Variants in COL5A1 observed in about 807,000 individuals in gnomAD.
COL5A1 encodes collagen alpha-1(V) chain.
COL5A1 carries 16 observed loss-of-function variants against 263.7 expected under a neutral mutation model. The observed-to-expected ratio is 0.06, with a 90% confidence interval of 0.04 to 0.09. The LOEUF is 0.09. COL5A1 is among the 10% of genes least tolerant of loss of function. The pLI is 1.00. For missense variants in COL5A1, 2,036 were observed against 2,540.5 expected (o/e 0.80, Z 4.27); for synonymous variants, 1,012 against 1,004.5 (o/e 1.01, Z -0.14).
Position 134,774,472 on chromosome 9 carries a change from C to T in COL5A1, c.2332-387C>T, listed in dbSNP as rs113864835. ...TAGCAGCCTTGTCCCTTCTCCCAGC[C>T]GGAAGCTCTCCTGATTTATTCCAAG... On this transcript the variant is annotated intron_variant, in intron 26 of 65. Coordinates refer to ENST00000371817, the MANE Select transcript of COL5A1 (RefSeq NM_000093.5). Among the ~76,000 whole-genome samples the T allele has an allele frequency of 4.0e-3, 605 of 152,314 alleles. 3 individuals carry two copies. Among genetic ancestry groups the T allele is most frequent in the Middle Eastern group, 0.017 (5 of 294 alleles).
Position 134,763,881 on chromosome 9 carries a change from TC to T in COL5A1, c.2034+147del, listed in dbSNP as rs1836557558. 9.8e-6 allele frequency: 8 copies of T among 813,464 alleles called. No individual in the cohort carries two copies. The East Asian group carries it at 2.2e-4, about 22-fold the overall frequency. The allele number at this position is 813,464 out of a possible 1,614,324, so 50.4% of individuals were successfully genotyped here. ...CTGAGAACAGACGGACCTGGGCATC[TC>T]CCAGGGAAGCCAAAGAGAGGAGGCA... On this transcript the variant is annotated intron_variant, in intron 20 of 65. Coordinates refer to ENST00000371817, the MANE Select transcript of COL5A1 (RefSeq NM_000093.5).
At chr9:134,721,493 G>A (rs548609314) in intron 4 of COL5A1, among the ~76,000 whole-genome samples, 6 of 152,240 alleles carry the variant, frequency 3.9e-5, no homozygotes, top group African/African-American at 1.2e-4. Context: ...CCACAGCCCC[G>A]AGGGCAGAGC....
In COL5A1 at chr9:134,825,890, A is replaced by G; in HGVS notation, c.5053A>G (p.Lys1685Glu). 6.2e-7 allele frequency: 1 copy of G among 1,611,402 alleles called. No homozygotes were observed. The highest frequency in any genetic ancestry group is 8.5e-7 in the Non-Finnish European group (1 of 1,177,954). Residue 1685 changes from lysine (K) to glutamate (E), a missense_variant, in exon 63 of 66, where the codon AAG (lysine) becomes GAG (glutamate). Transcript: ENST00000371817. ...AGGSTCVFPD[K>E]KSEGARITSW... ...GGGGTCGACATGCGTCTTCCCTGAC[A>G]AGAAGTCCGAAGGGGTGAGTAGCTG...
chr9:134,711,684 TAA>T (rs1834046856), intron 4 of COL5A1, among the ~76,000 whole-genome samples: 1 of 152,096 alleles, frequency 6.6e-6, no homozygotes, highest in South Asian at 2.1e-4. Context: ...CTTTCTGGGT[TAA>T]GAGTTCCCAT....
intron 1 of COL5A1, among the ~76,000 whole-genome samples, chr9:134,676,193 C>A (rs1305154165): frequency 1.3e-5 from 2 of 152,194 alleles, no homozygotes; most frequent in Non-Finnish European, 2.9e-5. Flanking sequence ...CCAGAAGTAA[C>A]CCCTCAACTC....
chr9:134,830,983 C>T (rs559694722), intron 64 of COL5A1, among the ~76,000 whole-genome samples: 13 of 152,222 alleles, frequency 8.5e-5, no homozygotes, highest in East Asian at 1.9e-4. Context: ...AGACGGGTTC[C>T]GGGTGTCATT....
intron 60 of COL5A1, 26 bp from the exon 61 acceptor site, chr9:134,823,390 G>A: frequency 6.2e-7 from 1 of 1,613,950 alleles, no homozygotes; most frequent in Non-Finnish European, 8.5e-7. Context: ...CTGTGACCAA[G>A]GGTTGATTCT....
rs1835944991 is a variant in COL5A1, at chr9:134,755,746, G to T, written c.1828-1019G>T. On this transcript the variant is annotated intron_variant, in intron 16 of 65. Transcript: ENST00000371817. The surrounding 1 kb of genome is among the most constrained non-coding windows in gnomAD (Gnocchi z 4.1). ...TTGCCCAACAGGGCGATGTCTTTTT[G>T]GGGAGCAACGGGAGCACCGACTGTC... is the stretch of plus-strand genomic sequence containing the variant. Among the ~76,000 whole-genome samples, 1 of 152,210 alleles carries T rather than the reference G, an allele frequency of 6.6e-6. No homozygotes were observed. The highest frequency in any genetic ancestry group is 2.1e-4 in the South Asian group (1 of 4,828).
At chr9:134,769,375 T>A (rs1323708709) in intron 25 of COL5A1, among the ~76,000 whole-genome samples, 1 of 152,222 alleles carries the variant, frequency 6.6e-6, no homozygotes, top group Non-Finnish European at 1.5e-5. Context: ...GGCCCCGTGG[T>A]CACCTGGCCA....
chr9:134,747,941 T>C (rs1220327821), intron 11 of COL5A1, among the ~76,000 whole-genome samples: 1 of 83,240 alleles, frequency 1.2e-5, no homozygotes, highest in Non-Finnish European at 2.6e-5. Flanking sequence ...ACACATGCAT[T>C]CATACACATG....
chr9:134,748,349 ACACACATGCACATACATACACTTACATT>A (rs1230300349), intron 11 of COL5A1, among the ~76,000 whole-genome samples: 2 of 152,072 alleles, frequency 1.3e-5, no homozygotes, highest in Non-Finnish European at 2.9e-5. Flanking sequence ...TCACACATTC[ACACACATGCACATACATACACTTACATT>A]CACACATGCA....
chr9:134,792,759 A>ATG lies in COL5A1; in HGVS notation c.2701-2312_2701-2311dup, dbSNP rs1564462004. ...CCTGAGTGTCCGCATGCATGCGTGC[A>ATG]TGTGTGTGTGTGCGTGTGTGTACAT... On this transcript the variant is annotated intron_variant, in intron 32 of 65. Transcript: ENST00000371817. 2.7e-4 allele frequency among the ~76,000 whole-genome samples: 28 copies of ATG among 103,508 alleles called. 2 individuals carry two copies. Among genetic ancestry groups the ATG allele is most frequent in the African/African-American group, 1.2e-3 (24 of 19,706 alleles). The allele number at this position is 103,508 out of a possible 152,430, so 67.9% of individuals were successfully genotyped here. A position where few individuals can be genotyped will look rare whatever the true frequency, so the allele number is the denominator to read the frequency against.
chr9:134,759,246 A>G (rs1836116787), intron 18 of COL5A1, among the ~76,000 whole-genome samples: 1 of 130,060 alleles, frequency 7.7e-6, no homozygotes, highest in South Asian at 2.4e-4. Context: ...CACATACACC[A>G]CACATGTGTG....
rs748386940 is a variant in COL5A1 at position 134,834,909 on chromosome 9, G to A, written c.5137-62G>A. ...GAGTGAAGCCCAGGGCAGTGCGGAC[G>A]TGGGGCTTTGTTGCTGTGTGTGTCC... On this transcript the variant is annotated intron_variant, in intron 64 of 65. Coordinates refer to ENST00000371817, the MANE Select transcript of COL5A1 (RefSeq NM_000093.5). 5.0e-5 allele frequency: 59 copies of A among 1,185,516 alleles called. 1 individual carries two copies. The highest frequency in any genetic ancestry group is 6.4e-5 in the Non-Finnish European group (52 of 812,294). 73.4% of individuals were successfully genotyped at this position (1,185,516 alleles called of 1,614,324 possible).
chr9:134,804,269 C>T (rs776215394), intron 39 of COL5A1, among the ~76,000 whole-genome samples: 2 of 152,156 alleles, frequency 1.3e-5, no homozygotes, highest in Non-Finnish European at 2.9e-5. Flanking sequence ...TTGACCTGCT[C>T]GTTTGAAAAC....
chr9:134,812,302 C>A, intron 46 of COL5A1, 147 bp from the exon 47 acceptor site: 2 of 766,806 alleles, frequency 2.6e-6, no homozygotes, highest in Non-Finnish European at 4.6e-6. Context: ...CCCGGGACGT[C>A]CTCGTGGGTA....
At chr9:134,802,839 C>T (rs768856973) in intron 38 of COL5A1, 49 bp from the exon 39 acceptor site, 12 of 1,376,968 alleles carry the variant, frequency 8.7e-6, no homozygotes, top group Admixed American at 3.6e-5. Flanking sequence ...TTCTCACTCC[C>T]TTGCAAGTCA....
At chr9:134,826,518 G>A (rs1299281266) in intron 63 of COL5A1, among the ~76,000 whole-genome samples, 3 of 152,086 alleles carry the variant, frequency 2.0e-5, no homozygotes, top group South Asian at 2.1e-4. Context: ...TGGTGTGTGG[G>A]CACATGTGGA....
intron 1 of COL5A1, among the ~76,000 whole-genome samples, chr9:134,654,035 A>G (rs1488527555): frequency 0.042 from 650 of 15,620 alleles, no homozygotes; most frequent in Middle Eastern, 0.071. Flanking sequence ...AGTTGTGTAG[A>G]GCTGGTGTGT....
Sources: allele counts gnomAD v4.1 joint callset (sites outside exome capture counted in the v4.1 genomes callset), GRCh38; gene constraint gnomAD v4.1.1; non-coding constraint Gnocchi (gnomAD v3.1); transcripts MANE v1.5; gene names NCBI Gene and HGNC (gene_info 2026-07-23, HGNC 2026-07-21).